Variants in GALNT17 observed in about 807,000 individuals in gnomAD.
GALNT17 encodes polypeptide N-acetylgalactosaminyltransferase 17.
Under a neutral mutation model 63.7 loss-of-function variants are expected in GALNT17, and 29 were observed. That is an observed-to-expected ratio of 0.46 (90% CI 0.34 to 0.62). GALNT17 has a LOEUF of 0.62. Among genes scored for constraint, GALNT17 ranks in the 20% least tolerant of loss-of-function variants. The pLI, the probability that GALNT17 is intolerant of heterozygous loss-of-function variation, is 0.01. For missense variants in GALNT17, 603 were observed against 799.6 expected, an observed-to-expected ratio of 0.75 and a Z score of 2.97; for synonymous variants, 305 against 318.3, an observed-to-expected ratio of 0.96 and a Z score of 0.45.
intron 5 of GALNT17, among the ~76,000 whole-genome samples, chr7:71,482,913 A>G (rs117179330): frequency 0.036 from 5,415 of 152,240 alleles, 174 homozygotes; most frequent in East Asian, 0.14. Context: ...ATGAGAATCT[A>G]ATGTCACTGC....
At chr7:71,465,195 C>G (rs1314820805) in intron 5 of GALNT17, among the ~76,000 whole-genome samples, 1 of 152,160 alleles carries the variant, frequency 6.6e-6, no homozygotes, top group Non-Finnish European at 1.5e-5. Context: ...ATAAATGTTT[C>G]ACATAACATG....
intron 1 of GALNT17, among the ~76,000 whole-genome samples, chr7:71,239,299 C>G (rs1055319235): frequency 0.02 from 2,373 of 119,126 alleles, 35 homozygotes; most frequent in Middle Eastern, 0.031. Flanking sequence ...GTCTGTACCC[C>G]CCCCCAAAAA....
intron 2 of GALNT17, among the ~76,000 whole-genome samples, chr7:71,380,158 T>C (rs1345501326): frequency 6.6e-6 from 1 of 152,008 alleles, no homozygotes; most frequent in Admixed American, 6.6e-5. Context: ...TAGATGTCAC[T>C]GGAAACTTTA....
chr7:71,658,496 A>G (rs546289179), intron 6 of GALNT17, among the ~76,000 whole-genome samples: 26 of 152,236 alleles, frequency 1.7e-4, no homozygotes, highest in South Asian at 4.2e-4. Context: ...TTTTGCCCCA[A>G]TGAATGAAGC....
intron 6 of GALNT17, among the ~76,000 whole-genome samples, chr7:71,614,122 A>G (rs531794463): frequency 1.3e-5 from 2 of 152,260 alleles, no homozygotes; most frequent in Non-Finnish European, 2.9e-5. Context: ...GTATTTCAAA[A>G]CAAAACAAAA....
chr7:71,219,866 G>A (rs1789552119), intron 1 of GALNT17, among the ~76,000 whole-genome samples: 1 of 152,190 alleles, frequency 6.6e-6, no homozygotes, highest in African/African-American at 2.4e-5. Flanking sequence ...TCTGTGCATT[G>A]TGGTGGTAAG....
intron 1 of GALNT17, among the ~76,000 whole-genome samples, chr7:71,321,624 T>C (rs1349347954): frequency 6.6e-6 from 1 of 150,684 alleles, no homozygotes; most frequent in Admixed American, 6.6e-5. Context: ...CTCCCTTTTT[T>C]TGAGACTGAG....
chr7:71,459,811 A>T (rs996522388), intron 5 of GALNT17, among the ~76,000 whole-genome samples: 1 of 152,204 alleles, frequency 6.6e-6, no homozygotes, highest in Non-Finnish European at 1.5e-5. Flanking sequence ...GGTCTGAATA[A>T]AACATTCGTC....
intron 6 of GALNT17, among the ~76,000 whole-genome samples, chr7:71,589,518 G>A (rs1321163622): frequency 1.3e-5 from 2 of 151,978 alleles, no homozygotes; most frequent in East Asian, 3.9e-4. Flanking sequence ...GCTGCAGTGA[G>A]CTATAATCAT....
chr7:71,701,854 T>TATATAC (rs1562742498), intron 9 of GALNT17, among the ~76,000 whole-genome samples: 2 of 25,596 alleles, frequency 7.8e-5, no homozygotes, highest in African/African-American at 2.4e-4. Context: ...TATATATATA[T>TATATAC]ACACATATAT....
chr7:71,222,604 A>T (rs1235549897), intron 1 of GALNT17, among the ~76,000 whole-genome samples: 3 of 151,930 alleles, frequency 2.0e-5, no homozygotes, highest in Non-Finnish European at 4.4e-5. Context: ...TGACCTTCTT[A>T]CTTTTGAAGA....
intron 1 of GALNT17, among the ~76,000 whole-genome samples, chr7:71,289,280 A>T (rs1057374767): frequency 5.3e-5 from 8 of 151,970 alleles, no homozygotes; most frequent in Non-Finnish European, 1.0e-4. Flanking sequence ...TAATAAGGAA[A>T]TAATTGAATT....
intron 5 of GALNT17, among the ~76,000 whole-genome samples, chr7:71,486,528 A>G (rs1442246207): frequency 1.3e-5 from 2 of 151,758 alleles, no homozygotes; most frequent in Admixed American, 1.3e-4. Context: ...GGTGCTCCAC[A>G]GTGCTGTAGG....
At chr7:71,399,059 C>T (rs1313801589) in intron 3 of GALNT17, among the ~76,000 whole-genome samples, 1 of 152,002 alleles carries the variant, frequency 6.6e-6, no homozygotes, top group East Asian at 1.9e-4. Context: ...ATGATGAAAC[C>T]CCGTCTACGC....
At chr7:71,681,438 C>G (rs1039934063) in intron 9 of GALNT17, among the ~76,000 whole-genome samples, 1 of 152,162 alleles carries the variant, frequency 6.6e-6, no homozygotes, top group Non-Finnish European at 1.5e-5. Flanking sequence ...TTGGATATAG[C>G]AACTTGTGGT....
At chr7:71,710,699 T>G in intron 9 of GALNT17, 62 bp from the exon 10 acceptor site, 2 of 1,580,244 alleles carry the variant, frequency 1.3e-6, no homozygotes, top group East Asian at 4.5e-5. Context: ...GAGCCCTGCT[T>G]CCTCCCATGT....
chr7:71,185,254 G>A (rs1056234403), intron 1 of GALNT17, among the ~76,000 whole-genome samples: 6 of 150,358 alleles, frequency 4.0e-5, no homozygotes, highest in Non-Finnish European at 8.9e-5. Flanking sequence ...CTCCCAGGCT[G>A]GAGTACAATG....
chr7:71,617,295 T>A (rs1461952683), intron 6 of GALNT17, among the ~76,000 whole-genome samples: 1 of 148,200 alleles, frequency 6.7e-6, no homozygotes, highest in Admixed American at 6.9e-5. Context: ...ATTTTTGGTT[T>A]TTTTTTTGCA....
intron 6 of GALNT17, among the ~76,000 whole-genome samples, chr7:71,622,333 C>T (rs1047240242): frequency 2.6e-5 from 4 of 152,202 alleles, no homozygotes; most frequent in Admixed American, 6.5e-5. Context: ...AAATCATACT[C>T]TTCCAAGTGT....
Sources: allele counts gnomAD v4.1 joint callset (sites outside exome capture counted in the v4.1 genomes callset), GRCh38; gene constraint gnomAD v4.1.1; transcripts MANE v1.5; gene names NCBI Gene and HGNC (gene_info 2026-07-23, HGNC 2026-07-21).